Variants in AUTS2 observed in about 807,000 individuals in gnomAD.
AUTS2 encodes activator of transcription and developmental regulator AUTS2.
A neutral mutation model predicts 112.4 loss-of-function variants in AUTS2; 17 were observed. That is an observed-to-expected ratio of 0.15 (90% CI 0.10 to 0.23). The LOEUF is 0.23. AUTS2 is among the 10% of genes least tolerant of loss of function. The pLI is 1.00. For missense variants in AUTS2, 1,510 were observed against 1,701.6 expected, an observed-to-expected ratio of 0.89 and a Z score of 1.98; for synonymous variants, 751 against 702.7, an observed-to-expected ratio of 1.07 and a Z score of -1.09.
At chr7:70,062,428 G>T (rs576958162) in intron 2 of AUTS2, among the ~76,000 whole-genome samples, 2 of 150,986 alleles carry the variant, frequency 1.3e-5, no homozygotes, top group Non-Finnish European at 2.9e-5. Context: ...CAGGAGAATC[G>T]CTTGAACCCA....
chr7:70,580,992 C>T (rs1802407987), intron 5 of AUTS2, among the ~76,000 whole-genome samples: 1 of 152,150 alleles, frequency 6.6e-6, no homozygotes, highest in African/African-American at 2.4e-5. Flanking sequence ...TACCTGTAAT[C>T]CCAGCACTTT....
chr7:70,225,309 A>G (rs931711285), intron 4 of AUTS2, among the ~76,000 whole-genome samples: 4 of 152,210 alleles, frequency 2.6e-5, no homozygotes, highest in Admixed American at 2.6e-4. Flanking sequence ...TTAAAAGTTA[A>G]TTTAGGAAAT....
At chr7:70,703,595 C>T (rs1188774356) in intron 6 of AUTS2, among the ~76,000 whole-genome samples, 1 of 149,706 alleles carries the variant, frequency 6.7e-6, no homozygotes, top group Non-Finnish European at 1.5e-5. Context: ...ATTTGGTTTA[C>T]AGTTTAAAAT....
chr7:70,672,545 C>T (rs1464603463), intron 5 of AUTS2, among the ~76,000 whole-genome samples: 1 of 152,090 alleles, frequency 6.6e-6, no homozygotes, highest in African/African-American at 2.4e-5. Context: ...AGCTCCAGGG[C>T]AGCTGAATAG....
intron 5 of AUTS2, among the ~76,000 whole-genome samples, chr7:70,451,956 G>A (rs2131074542): frequency 6.6e-6 from 1 of 152,252 alleles, no homozygotes; most frequent in South Asian, 2.1e-4. Flanking sequence ...GGGGCTCTGT[G>A]GGAGTAAGAC....
intron 5 of AUTS2, among the ~76,000 whole-genome samples, chr7:70,695,791 AC>A (rs1355201820): frequency 6.6e-6 from 1 of 152,256 alleles, no homozygotes; most frequent in East Asian, 1.9e-4. Flanking sequence ...AAACAAAAAA[AC>A]ATATTCCCCC....
chr7:70,079,217 A>G (rs1189046220), intron 2 of AUTS2, among the ~76,000 whole-genome samples: 1 of 152,204 alleles, frequency 6.6e-6, no homozygotes, highest in East Asian at 1.9e-4. Context: ...CACTTTTGTG[A>G]CAAAAGGATT....
chr7:70,609,811 G>A (rs552331584), intron 5 of AUTS2, among the ~76,000 whole-genome samples: 80 of 152,174 alleles, frequency 5.3e-4, no homozygotes, highest in Non-Finnish European at 9.7e-4. Flanking sequence ...ATCTGTCAGC[G>A]GACACTTAGG....
Position 70,766,235 on chromosome 7 carries a change from G to GCACCAGCACACC in AUTS2, c.1602_1613dup (p.His539_Thr542dup). ...CCGAGTTCCATCAGCACCAGCACCA[G>GCACCAGCACACC]CACCAGCACACCCACCAGCACACGC... On this transcript the variant is annotated inframe_insertion, in exon 9 of 19. Coordinates refer to ENST00000342771, the MANE Select transcript of AUTS2 (RefSeq NM_015570.4). This position sits in a 1 kb window ranked among gnomAD's most constrained non-coding sequence, Gnocchi z 4.8. The GCACCAGCACACC allele has an allele frequency of 1.2e-6, 2 of 1,614,002 alleles. No homozygotes were observed. The highest frequency in any genetic ancestry group is 1.7e-6 in the Non-Finnish European group (2 of 1,180,000).
chr7:70,692,091 CT>C (rs1808785649), intron 5 of AUTS2, among the ~76,000 whole-genome samples: 3 of 152,146 alleles, frequency 2.0e-5, no homozygotes, highest in Admixed American at 2.0e-4. Flanking sequence ...TGGTCTCAAA[CT>C]CCTGACCTCA....
chr7:69,813,412 TAGA>T (rs1790629326), intron 1 of AUTS2, among the ~76,000 whole-genome samples: 1 of 152,168 alleles, frequency 6.6e-6, no homozygotes. Flanking sequence ...GAGTGTGGTT[TAGA>T]AGGACAGTGG....
chr7:70,082,981 T>G (rs1054440082), intron 2 of AUTS2, among the ~76,000 whole-genome samples: 2 of 152,220 alleles, frequency 1.3e-5, no homozygotes, highest in African/African-American at 4.8e-5. Flanking sequence ...AGGAATATTC[T>G]TTTACAATGT....
chr7:70,667,868 T>C (rs1358456789), intron 5 of AUTS2, among the ~76,000 whole-genome samples: 1 of 152,270 alleles, frequency 6.6e-6, no homozygotes, highest in Non-Finnish European at 1.5e-5. Flanking sequence ...TTGCGGTCTT[T>C]GGACCTAATT....
intron 4 of AUTS2, among the ~76,000 whole-genome samples, chr7:70,238,718 C>A (rs897501236): frequency 6.6e-6 from 1 of 151,924 alleles, no homozygotes; most frequent in Non-Finnish European, 1.5e-5. Flanking sequence ...TTAGTAAATA[C>A]AAATTGTCAT....
In AUTS2 at chr7:70,631,938, A is replaced by C. The variant is rs1323944739; in HGVS notation, c.691-66631A>C. Among the ~76,000 whole-genome samples, 1 of 151,932 alleles carries C rather than the reference A, an allele frequency of 6.6e-6. No individual in the cohort carries two copies. Among genetic ancestry groups the C allele is most frequent in the East Asian group, 1.9e-4 (1 of 5,162 alleles). ...TGGTGAAAAGGACAAGGAGATTTGC[A>C]TCTCTGGCCTCCTGTGGAGACCCGA... On this transcript the variant is annotated intron_variant, in intron 5 of 18. Coordinates refer to ENST00000342771, the MANE Select transcript of AUTS2 (RefSeq NM_015570.4). This position sits in a 1 kb window ranked among gnomAD's most constrained non-coding sequence, Gnocchi z 4.5.
chr7:70,687,897 C>A (rs1168516603), intron 5 of AUTS2, among the ~76,000 whole-genome samples: 1 of 152,188 alleles, frequency 6.6e-6, no homozygotes, highest in Non-Finnish European at 1.5e-5. Context: ...CAGAAGAAAT[C>A]CCTGGGAACC....
At chr7:70,611,304 G>A (rs1206434840) in intron 5 of AUTS2, among the ~76,000 whole-genome samples, 1 of 152,146 alleles carries the variant, frequency 6.6e-6, no homozygotes, top group Non-Finnish European at 1.5e-5. Flanking sequence ...AAGAGTCAAG[G>A]GCATGCCCCC....
At chr7:70,295,618 C>T (rs1788897377) in intron 4 of AUTS2, among the ~76,000 whole-genome samples, 1 of 152,140 alleles carries the variant, frequency 6.6e-6, no homozygotes, top group Non-Finnish European at 1.5e-5. Flanking sequence ...TCTATTGCCT[C>T]AACTCTATTG....
rs1803912510 is a variant in AUTS2, at chr7:70,608,662, T to G, written c.691-89907T>G. ...TGCTTAGAGCTTCCGTGTCCCACAT[T>G]CTGTGTGGGATTGGGAACCTCTGGC... is the stretch of plus-strand genomic sequence containing the variant. On this transcript the variant is annotated intron_variant, in intron 5 of 18. Transcript: ENST00000342771. Among the ~76,000 whole-genome samples the G allele has an allele frequency of 1.3e-5, 2 of 152,176 alleles. 1 individual carries two copies. Among genetic ancestry groups the G allele is most frequent in the African/African-American group, 4.8e-5 (2 of 41,438 alleles).
Sources: gnomAD v4.1 joint callset for allele counts (sites outside exome capture counted in the v4.1 genomes callset) on GRCh38, gnomAD v4.1.1 for gene constraint, Gnocchi (gnomAD v3.1) non-coding constraint, MANE v1.5 for transcripts, NCBI Gene and HGNC (gene_info 2026-07-23, HGNC 2026-07-21) for gene names.